Variants in PHF24 observed in about 807,000 individuals in gnomAD.
PHF24 encodes PHD finger protein 24, also known as Galpha inhibitory interacting protein.
In PHF24, 25 loss-of-function variants were observed where a neutral mutation model predicts 42.6. The observed-to-expected ratio is 0.59, with a 90% CI of 0.43 to 0.82. The LOEUF (loss-of-function observed/expected upper bound fraction) is 0.82. PHF24 is among the 40% of genes least tolerant of loss of function. The probability of loss-of-function intolerance (pLI) is 0.00; values close to 1 mark genes in which losing one functional copy is unlikely to be tolerated. For synonymous variants in PHF24, 185 were observed against 204.8 expected, an observed-to-expected ratio of 0.90 and a Z score of 0.83; for missense variants, 470 against 538.1, an observed-to-expected ratio of 0.87 and a Z score of 1.25.
chr9:34,686,730 G>T, the PHF24 span, among the ~76,000 whole-genome samples: 1 of 152,136 alleles, frequency 6.6e-6, no homozygotes, highest in Admixed American at 6.5e-5. Context: ...TGCCATGTGC[G>T]CTAGAGAAGA....
chr9:34,937,952 G>T, the PHF24 span, among the ~76,000 whole-genome samples: 1 of 152,114 alleles, frequency 6.6e-6, no homozygotes, highest in African/African-American at 2.4e-5. Context: ...CTGTGTCCAC[G>T]TGAGAATCAG....
chr9:34,879,096 G>C, the PHF24 span, among the ~76,000 whole-genome samples: 1 of 152,034 alleles, frequency 6.6e-6, no homozygotes, highest in South Asian at 2.1e-4. Flanking sequence ...AGGCAAACAG[G>C]GTCTGGAGTG....
chr9:34,888,122 A>G, the PHF24 span, among the ~76,000 whole-genome samples: 1 of 151,814 alleles, frequency 6.6e-6, no homozygotes, highest in Non-Finnish European at 1.5e-5. Flanking sequence ...TCTACTCCCT[A>G]CCTCCTTCCC....
At chr9:34,917,486 T>A in the PHF24 span, 1 of 771,322 alleles carries the variant, frequency 1.3e-6, no homozygotes, top group Non-Finnish European at 2.4e-6. Flanking sequence ...AGTTTTCAAG[T>A]ACAATCGAAA....
the PHF24 span, among the ~76,000 whole-genome samples, chr9:34,872,201 A>G: frequency 7.2e-6 from 1 of 139,794 alleles, no homozygotes; most frequent in East Asian, 2.0e-4. Flanking sequence ...TTATTTTTTT[A>G]TTTTTTATTT....
chr9:34,915,650 C>T, the PHF24 span, among the ~76,000 whole-genome samples: 1 of 152,104 alleles, frequency 6.6e-6, no homozygotes, highest in African/African-American at 2.4e-5. Flanking sequence ...GTGGACATTT[C>T]TTTTGTGGAT....
the PHF24 span, among the ~76,000 whole-genome samples, chr9:34,892,491 G>A: frequency 1.3e-5 from 2 of 152,330 alleles, no homozygotes; most frequent in African/African-American, 4.8e-5. Flanking sequence ...GCCCTCAGTT[G>A]TGGGAATATG....
At chr9:34,709,774 C>G in the PHF24 span, 17 of 1,614,012 alleles carry the variant, frequency 1.1e-5, no homozygotes, top group Non-Finnish European at 1.4e-5. Flanking sequence ...TGTGTCCACT[C>G]ACAGGATAGC....
chr9:34,886,401 T>C, the PHF24 span, among the ~76,000 whole-genome samples: 2 of 152,180 alleles, frequency 1.3e-5, no homozygotes, highest in Admixed American at 6.5e-5. Context: ...TCACATCGGT[T>C]CCTCCACCTG....
At chr9:34,840,586 G>A in the PHF24 span, among the ~76,000 whole-genome samples, 1 of 151,180 alleles carries the variant, frequency 6.6e-6, no homozygotes, top group Non-Finnish European at 1.5e-5. Flanking sequence ...CTGGAGTGCA[G>A]TGACACAATC....
At chr9:34,709,419 C>T in the PHF24 span, 401 of 1,610,192 alleles carry the variant, frequency 2.5e-4, 2 homozygotes, top group East Asian at 2.9e-4. Flanking sequence ...GGTCTGTGAC[C>T]GCTCAGTCCT....
At chr9:34,929,791 A>G in the PHF24 span, among the ~76,000 whole-genome samples, 1 of 152,182 alleles carries the variant, frequency 6.6e-6, no homozygotes, top group African/African-American at 2.4e-5. Flanking sequence ...CCTCCTGAGA[A>G]GAGTTGAAGA....
chr9:34,841,821 C>T, the PHF24 span, among the ~76,000 whole-genome samples: 1 of 152,238 alleles, frequency 6.6e-6, no homozygotes, highest in African/African-American at 2.4e-5. Flanking sequence ...TGCACCACTG[C>T]TCTCCAACCT....
At chr9:34,858,942 CTT>C in the PHF24 span, among the ~76,000 whole-genome samples, 11 of 152,302 alleles carry the variant, frequency 7.2e-5, 1 homozygote, top group African/African-American at 2.6e-4. Context: ...CAGACTGACT[CTT>C]TGTCAGGGAA....
At chr9:34,752,827 G>A in the PHF24 span, among the ~76,000 whole-genome samples, 2 of 152,084 alleles carry the variant, frequency 1.3e-5, no homozygotes, top group Non-Finnish European at 2.9e-5. Context: ...GCATTGAAAA[G>A]ATCATTCATC....
At chr9:34,843,795 C>T in the PHF24 span, among the ~76,000 whole-genome samples, 1 of 151,990 alleles carries the variant, frequency 6.6e-6, no homozygotes, top group Non-Finnish European at 1.5e-5. Context: ...TGGTCTTTAA[C>T]TCTTGGCCTC....
chr9:34,865,329 C>CAACGTGGG, the PHF24 span, among the ~76,000 whole-genome samples: 1 of 151,066 alleles, frequency 6.6e-6, no homozygotes, highest in East Asian at 2.0e-4. Context: ...TTGGGGAGGC[C>CAACGTGGG]AAGGTGGGCG....
At chr9:34,679,401 T>C in the PHF24 span, among the ~76,000 whole-genome samples, 7 of 152,212 alleles carry the variant, frequency 4.6e-5, no homozygotes, top group Non-Finnish European at 8.8e-5. Flanking sequence ...TGGGTATATA[T>C]GATTCTGCAC....
At chr9:34,680,266 T>C in the PHF24 span, among the ~76,000 whole-genome samples, 1 of 151,918 alleles carries the variant, frequency 6.6e-6, no homozygotes, top group African/African-American at 2.4e-5. Flanking sequence ...TCCCAGCTAC[T>C]TGGGAGGCTG....
Sources: allele counts gnomAD v4.1 joint callset (sites outside exome capture counted in the v4.1 genomes callset), GRCh38; gene constraint gnomAD v4.1.1; transcripts MANE v1.5; gene names NCBI Gene and HGNC (gene_info 2026-07-23, HGNC 2026-07-21).